AGPS: variants seen among roughly 807,000 people sequenced by gnomAD.
AGPS encodes alkylglycerone phosphate synthase.
A neutral mutation model predicts 90.7 loss-of-function variants in AGPS; 26 were observed. The observed-to-expected ratio is 0.29, with a 90% CI of 0.21 to 0.40. AGPS has a LOEUF of 0.40. AGPS is among the 10% of genes least tolerant of loss of function. AGPS has a pLI of 1.00. For missense variants in AGPS, 540 were observed against 816.1 expected, an observed-to-expected ratio of 0.66 and a Z score of 4.12; for synonymous variants, 294 against 285.3, an observed-to-expected ratio of 1.03 and a Z score of -0.31.
chr2:177,418,369 T>C (rs1685848645), intron 1 of AGPS, among the ~76,000 whole-genome samples: 2 of 152,080 alleles, frequency 1.3e-5, no homozygotes, highest in Non-Finnish European at 2.9e-5. Context: ...TTTGGGGCCA[T>C]CTGGGGATAA....
chr2:177,488,259 C>T (rs1244294444), intron 11 of AGPS, among the ~76,000 whole-genome samples: 1 of 151,160 alleles, frequency 6.6e-6, no homozygotes, highest in Non-Finnish European at 1.5e-5. Flanking sequence ...GTCACCCAGG[C>T]TGGAGTGCAG....
intron 18 of AGPS, among the ~76,000 whole-genome samples, chr2:177,522,654 C>T (rs1003520553): frequency 6.6e-6 from 1 of 152,104 alleles, no homozygotes; most frequent in African/African-American, 2.4e-5. Flanking sequence ...AGGGTTTCAC[C>T]AGTTGGCCAG....
chr2:177,403,980 G>A (rs1685399864), intron 1 of AGPS, among the ~76,000 whole-genome samples: 2 of 152,172 alleles, frequency 1.3e-5, no homozygotes, highest in Non-Finnish European at 2.9e-5. Flanking sequence ...GCCTTAATGA[G>A]TCAAAGAGCA....
At chr2:177,492,247 T>C (rs1014158683) in intron 11 of AGPS, among the ~76,000 whole-genome samples, 2 of 152,212 alleles carry the variant, frequency 1.3e-5, no homozygotes, top group Non-Finnish European at 2.9e-5. Context: ...AGAGTGGCTG[T>C]TACTGTCTCA....
chr2:177,398,411 G>A (rs890005689), intron 1 of AGPS, among the ~76,000 whole-genome samples: 2 of 152,188 alleles, frequency 1.3e-5, no homozygotes, highest in East Asian at 3.8e-4. Context: ...TCTGAAAAAT[G>A]AGTGATACTA....
intron 11 of AGPS, among the ~76,000 whole-genome samples, chr2:177,486,737 A>ATATATTTTT (rs1553515691): frequency 7.7e-6 from 1 of 129,302 alleles, no homozygotes; most frequent in African/African-American, 2.6e-5. Context: ...CTATATGTAT[A>ATATATTTTT]TTTTTATTAC....
intron 10 of AGPS, among the ~76,000 whole-genome samples, chr2:177,474,467 C>T (rs576323070): frequency 1.1e-4 from 16 of 152,338 alleles, no homozygotes; most frequent in African/African-American, 3.8e-4. Context: ...GGCTTCTTCC[C>T]CCTGCACAAG....
intron 1 of AGPS, among the ~76,000 whole-genome samples, chr2:177,409,008 A>G (rs939783609): frequency 1.3e-5 from 2 of 152,164 alleles, no homozygotes; most frequent in African/African-American, 4.8e-5. Context: ...ATACTCCCAG[A>G]AAGTTTGAGA....
At chr2:177,467,927 G>A (rs1185715741) in intron 9 of AGPS, among the ~76,000 whole-genome samples, 1 of 151,984 alleles carries the variant, frequency 6.6e-6, no homozygotes, top group Non-Finnish European at 1.5e-5. Context: ...AATTTGACCT[G>A]GTCATAATTA....
At chr2:177,521,146 TG>T in intron 17 of AGPS, 122 bp from the exon 18 acceptor site, 1 of 876,156 alleles carries the variant, frequency 1.1e-6, no homozygotes, top group Non-Finnish European at 1.9e-6. Context: ...GAGTAGAGGC[TG>T]GGAAGAAACT....
At chr2:177,486,072 TAATTGACAGTTTTTAG>T (rs1559067915) in intron 11 of AGPS, among the ~76,000 whole-genome samples, 2 of 152,260 alleles carry the variant, frequency 1.3e-5, no homozygotes, top group Non-Finnish European at 2.9e-5. Context: ...ATGTACTTAA[TAATTGACAGTTTTTAG>T]AAATACAAAT....
intron 1 of AGPS, among the ~76,000 whole-genome samples, chr2:177,411,883 C>A (rs928968700): frequency 5.9e-5 from 9 of 152,124 alleles, no homozygotes; most frequent in African/African-American, 2.2e-4. Flanking sequence ...GATTGTATTG[C>A]AGAGGGATAA....
intron 1 of AGPS, among the ~76,000 whole-genome samples, chr2:177,405,971 C>G (rs962788814): frequency 1.1e-4 from 16 of 152,106 alleles, no homozygotes; most frequent in Admixed American, 8.5e-4. Context: ...ATTTTAGTCT[C>G]CAATCTCAGT....
intron 8 of AGPS, among the ~76,000 whole-genome samples, chr2:177,451,234 G>C (rs929331171): frequency 1.3e-5 from 2 of 151,866 alleles, no homozygotes; most frequent in Non-Finnish European, 2.9e-5. Context: ...GGGATTATCG[G>C]TATGAGCCAC....
At chr2:177,394,838 T>A (rs79417331) in intron 1 of AGPS, among the ~76,000 whole-genome samples, 1 of 152,156 alleles carries the variant, frequency 6.6e-6, no homozygotes, top group Non-Finnish European at 1.5e-5. Flanking sequence ...ACATAACCTT[T>A]CAAAGAATGG....
intron 7 of AGPS, among the ~76,000 whole-genome samples, chr2:177,444,006 T>A (rs562320282): frequency 1.1e-4 from 16 of 152,280 alleles, no homozygotes; most frequent in African/African-American, 3.9e-4. Flanking sequence ...GGAGAAGATA[T>A]ATATATAAGG....
At chr2:177,513,346 G>A (rs1688934633) in intron 16 of AGPS, among the ~76,000 whole-genome samples, 1 of 152,156 alleles carries the variant, frequency 6.6e-6, no homozygotes, top group Non-Finnish European at 1.5e-5. Context: ...TCTGGCCTCG[G>A]CTTCCTGAAG....
At chr2:177,520,638 G>A (rs936045245) in intron 17 of AGPS, among the ~76,000 whole-genome samples, 1 of 152,204 alleles carries the variant, frequency 6.6e-6, no homozygotes, top group Admixed American at 6.5e-5. Context: ...ACTATTTGTA[G>A]TATGGAAGTG....
chr2:177,512,432 C>T (rs1349946351), intron 16 of AGPS, among the ~76,000 whole-genome samples: 3 of 152,090 alleles, frequency 2.0e-5, no homozygotes, highest in East Asian at 1.9e-4. Context: ...AAAAATGTGA[C>T]ATGCTAATAA....
Sources: gnomAD v4.1 joint callset for allele counts (sites outside exome capture counted in the v4.1 genomes callset) on GRCh38, gnomAD v4.1.1 for gene constraint, MANE v1.5 for transcripts, NCBI Gene and HGNC (gene_info 2026-07-23, HGNC 2026-07-21) for gene names.